Variants in POLA1 observed in about 807,000 individuals in gnomAD.
The protein encoded by POLA1 is DNA polymerase alpha 1, catalytic subunit.
In POLA1, 15 loss-of-function variants were observed where a neutral mutation model predicts 124.0. The observed-to-expected ratio is 0.12, with a 90% CI of 0.08 to 0.19. The LOEUF (loss-of-function observed/expected upper bound fraction) is 0.19, where lower values mean the gene tolerates loss of function less well. Among genes scored for constraint, POLA1 ranks in the 10% least tolerant of loss-of-function variants. The pLI, the probability that POLA1 is intolerant of heterozygous loss-of-function variation, is 1.00. For synonymous variants in POLA1, 408 were observed against 389.4 expected (o/e 1.05, Z -0.56); for missense variants, 886 against 1,103.4 (o/e 0.80, Z 2.79).
intron 4 of POLA1, among the ~76,000 whole-genome samples, chrX:24,707,010 TA>T (rs2081970805): frequency 8.9e-6 from 1 of 112,470 alleles, no homozygotes; most frequent in Non-Finnish European, 1.9e-5. Context: ...ATTTATTAGT[TA>T]AATTAGAATA....
intron 36 of POLA1, among the ~76,000 whole-genome samples, chrX:24,932,232 A>G (rs1040991256): frequency 1.8e-5 from 2 of 112,195 alleles, no homozygotes; most frequent in Admixed American, 1.9e-4. Flanking sequence ...TATCCATCCT[A>G]GATTGTTTTC....
chrX:24,696,563 T>C lies in POLA1; in HGVS notation c.43+2559T>C, dbSNP rs181755870. Among the ~76,000 whole-genome samples the C allele has an allele frequency of 2.4e-4, 27 of 112,028 alleles. 1 individual carries two copies. Among genetic ancestry groups the C allele is most frequent in the African/African-American group, 8.7e-4 (27 of 30,923 alleles). ...CCTAATCGGTAGCGCCTATTTTATA[T>C]GCCCATGCTCTAGGCTGCAAGGGTG... On this transcript the variant is annotated intron_variant, in intron 1 of 36. Transcript: ENST00000379068.
chrX:24,820,690 G>A (rs1223645675), intron 30 of POLA1, among the ~76,000 whole-genome samples: 1 of 109,208 alleles, frequency 9.2e-6, no homozygotes, highest in East Asian at 2.8e-4. Flanking sequence ...CTCCTTTATG[G>A]CACATATAGC....
At chrX:24,944,147 G>C (rs2047936528) in intron 36 of POLA1, among the ~76,000 whole-genome samples, 1 of 112,025 alleles carries the variant, frequency 8.9e-6, no homozygotes, top group Non-Finnish European at 1.9e-5. Context: ...AACCACTCCT[G>C]TTTGTTAGTC....
chrX:24,926,076 C>T (rs1385104751), intron 35 of POLA1, among the ~76,000 whole-genome samples: 1 of 107,249 alleles, frequency 9.3e-6, no homozygotes. Context: ...TGTGGTGGCA[C>T]GCGCCTGTGG....
chrX:24,950,794 C>G (rs1357135794), intron 36 of POLA1, among the ~76,000 whole-genome samples: 1 of 111,866 alleles, frequency 8.9e-6, no homozygotes, highest in Non-Finnish European at 1.9e-5. Context: ...CTAAGACCAT[C>G]TCCTTCCCTG....
chrX:24,873,175 C>T (rs1024672473), intron 34 of POLA1, among the ~76,000 whole-genome samples: 1 of 111,918 alleles, frequency 8.9e-6, no homozygotes, highest in East Asian at 2.8e-4. Flanking sequence ...TAAAAATCCT[C>T]TGTGCTCCAC....
chrX:24,726,814 T>A, intron 13 of POLA1, 119 bp from the exon 14 acceptor site: 1 of 475,791 alleles, frequency 2.1e-6, no homozygotes, highest in Non-Finnish European at 3.4e-6. Flanking sequence ...TTCATATATA[T>A]CAAAGGGGTT....
At chrX:24,741,887 A>AGGTG in intron 21 of POLA1, 115 bp from the exon 22 acceptor site, 1 of 511,180 alleles carries the variant, frequency 2.0e-6, no homozygotes, top group Non-Finnish European at 3.1e-6. Context: ...AAAAAAGCAG[A>AGGTG]CCGTTATTAG....
chrX:24,756,291 G>A lies in POLA1; in HGVS notation c.2964+7299G>A, dbSNP rs775687096. Among the ~76,000 whole-genome samples, 10 of 111,488 alleles carry A rather than the reference G, an allele frequency of 9.0e-5. No homozygotes were observed. In the South Asian group the frequency reaches 3.8e-3, roughly 42 times the overall value. ...AAATACAAAGTTTGGGCCGGGCGCG[G>A]TGGCTCACACCTGTAATCCTAGCGC... is the stretch of plus-strand genomic sequence containing the variant. On this transcript the variant is annotated intron_variant, in intron 26 of 36. Transcript: ENST00000379068.
At chrX:24,754,169 A>G (rs1343299566) in intron 26 of POLA1, among the ~76,000 whole-genome samples, 1 of 111,711 alleles carries the variant, frequency 9.0e-6, no homozygotes, top group Non-Finnish European at 1.9e-5. Context: ...GAATTTTACA[A>G]TTAAATATTA....
intron 26 of POLA1, among the ~76,000 whole-genome samples, chrX:24,779,140 G>A (rs766317872): frequency 3.7e-5 from 4 of 109,289 alleles, no homozygotes; most frequent in South Asian, 8.1e-4. Flanking sequence ...GTGCAGTGGC[G>A]CCATCTCGGC....
At chrX:24,722,987 T>G (rs1425703256) in intron 10 of POLA1, among the ~76,000 whole-genome samples, 168 bp from the exon 11 acceptor site, 1 of 112,789 alleles carries the variant, frequency 8.9e-6, no homozygotes, top group Non-Finnish European at 1.9e-5. Context: ...GCATCAGTAC[T>G]GAGTAAAGAA....
intron 6 of POLA1, 141 bp from the exon 7 acceptor site, chrX:24,716,221 A>G: frequency 2.5e-6 from 1 of 394,542 alleles, no homozygotes. Flanking sequence ...ACCACAGTAC[A>G]TGACATCGAT....
chrX:24,814,740 A>G, intron 29 of POLA1, among the ~76,000 whole-genome samples: 1 of 111,967 alleles, frequency 8.9e-6, no homozygotes, highest in Admixed American at 9.4e-5. Flanking sequence ...ATAAAAAATG[A>G]TCTGTATGTT....
intron 36 of POLA1, among the ~76,000 whole-genome samples, chrX:24,964,259 A>G (rs1214922442): frequency 8.9e-6 from 1 of 112,709 alleles, no homozygotes; most frequent in African/African-American, 3.2e-5. Flanking sequence ...GGAAATAGTC[A>G]TATGCCACTT....
At chrX:24,968,177 T>A (rs1379796912) in intron 36 of POLA1, among the ~76,000 whole-genome samples, 1 of 111,441 alleles carries the variant, frequency 9.0e-6, no homozygotes, top group Non-Finnish European at 1.9e-5. Context: ...TAAAAGAGAT[T>A]GTGTACAATA....
At chrX:24,722,815 A>G (rs185415342) in intron 10 of POLA1, among the ~76,000 whole-genome samples, 105 of 112,106 alleles carry the variant, frequency 9.4e-4, no homozygotes, top group African/African-American at 3.2e-3. Flanking sequence ...GGCCTTCCGA[A>G]GTGCTGGGAT....
chrX:24,894,788 CTTTTTTTTTT>C (rs761056089), intron 35 of POLA1, among the ~76,000 whole-genome samples: 4 of 98,605 alleles, frequency 4.1e-5, no homozygotes, highest in African/African-American at 1.5e-4. Context: ...CTTTTCTTTT[CTTTTTTTTTT>C]TTTTGTGAGA....
Sources: allele counts gnomAD v4.1 joint callset (sites outside exome capture counted in the v4.1 genomes callset), GRCh38; gene constraint gnomAD v4.1.1; transcripts MANE v1.5; gene names NCBI Gene and HGNC (gene_info 2026-07-23, HGNC 2026-07-21).